ALG14: variants seen among roughly 807,000 people sequenced by gnomAD.
The protein encoded by ALG14 is ALG14 UDP-N-acetylglucosaminyltransferase subunit, also known as UDP-N-acetylglucosamine transferase subunit ALG14.
In ALG14, 17 loss-of-function variants were observed where a neutral mutation model predicts 22.8. The ratio of observed to expected loss-of-function variants is 0.75; its 90% confidence interval spans 0.51 to 1.12. The LOEUF (loss-of-function observed/expected upper bound fraction) is 1.12. ALG14 is among the 50% of genes most tolerant of loss of function. ALG14 has a pLI of 0.00. For missense variants in ALG14, 288 were observed against 271.8 expected (o/e 1.06, Z -0.42); for synonymous variants, 89 against 103.7 (o/e 0.86, Z 0.86).
chr1:95,016,288 T>C (rs1673492419), intron 3 of ALG14, among the ~76,000 whole-genome samples: 2 of 152,184 alleles, frequency 1.3e-5, no homozygotes, highest in Non-Finnish European at 2.9e-5. Context: ...TTATTCATGC[T>C]TTCCTATTAG....
At position 94,975,925 on chromosome 1, in the gene ALG14, G is replaced by C. The variant is rs1269468152; in HGVS notation, c.*7151C>G. 1 of 148,372 alleles carries C rather than the reference G, an allele frequency of 6.7e-6. No homozygotes were observed. The highest frequency in any genetic ancestry group is 2.5e-5 in the African/African-American group (1 of 40,004). The allele number at this position is 148,372 out of a possible 1,614,324, so 9.2% of individuals were successfully genotyped here. On this transcript the variant is annotated 3_prime_UTR_variant, in exon 4 of 4. Transcript: ENST00000370205. ...CCAGCTACTCGGGAGGCTGAGGCAG[G>C]ACAATGGCGTGAACCCAGGAGGCGG... is the stretch of plus-strand genomic sequence containing the variant.
intron 2 of ALG14, chr1:95,041,712 C>A (rs1354017723): frequency 6.6e-6 from 1 of 151,914 alleles, no homozygotes; most frequent in Non-Finnish European, 1.5e-5. Context: ...TCAATGTAGA[C>A]ATCTCAGCAA....
chr1:95,051,826 C>T (rs113936645), intron 2 of ALG14, among the ~76,000 whole-genome samples: 23 of 152,188 alleles, frequency 1.5e-4, no homozygotes, highest in African/African-American at 5.1e-4. Flanking sequence ...TCTAAACACA[C>T]CTTTCCTGGT....
rs1351506045 is a variant in ALG14 at position 94,980,895 on chromosome 1, C to G, written c.*2181G>C. ...TTAAGGCTCTGCAAAACATCTGGGA[C>G]ATATGTTTCTGGAAAAAATTATAGC... On this transcript the variant is annotated 3_prime_UTR_variant, in exon 4 of 4. Coordinates refer to ENST00000370205, the MANE Select transcript of ALG14 (RefSeq NM_144988.4). 6.6e-6 allele frequency: 1 copy of G among 152,196 alleles called. No homozygotes were observed. The highest frequency in any genetic ancestry group is 1.5e-5 in the Non-Finnish European group (1 of 68,046). The allele number at this position is 152,196 out of a possible 1,614,324, so 9.4% of individuals were successfully genotyped here. A position where few individuals can be genotyped will look rare whatever the true frequency, so the allele number is the denominator to read the frequency against.
chr1:94,981,931 C>T lies in ALG14; in HGVS notation c.*1145G>A, dbSNP rs1369605695. The T allele has an allele frequency of 2.0e-5, 3 of 152,050 alleles. No individual in the cohort carries two copies. Among genetic ancestry groups the T allele is most frequent in the Non-Finnish European group, 2.9e-5 (2 of 68,024 alleles). 9.4% of individuals were successfully genotyped at this position (152,050 alleles called of 1,614,324 possible). On this transcript the variant is annotated 3_prime_UTR_variant, in exon 4 of 4. Coordinates refer to ENST00000370205, the MANE Select transcript of ALG14 (RefSeq NM_144988.4). ...AAGAGAGTCACAGCAGAACATTAAACCAAGTGGAGGCCCTCTTCAGTGCAG... is the reference window on the plus strand; with the variant it reads ...AAGAGAGTCACAGCAGAACATTAAATCAAGTGGAGGCCCTCTTCAGTGCAG...
At chr1:95,042,379 C>T (rs563034588) in intron 2 of ALG14, among the ~76,000 whole-genome samples, 3 of 152,104 alleles carry the variant, frequency 2.0e-5, no homozygotes, top group Non-Finnish European at 2.9e-5. Flanking sequence ...TCAGACTCTT[C>T]GCGTTATTTA....
chr1:95,052,857 GAAA>G (rs57458273), intron 2 of ALG14, among the ~76,000 whole-genome samples: 3 of 119,484 alleles, frequency 2.5e-5, no homozygotes, highest in Non-Finnish European at 1.7e-5. Context: ...ACTGCATCTC[GAAA>G]AAAAAAAAAA....
intron 2 of ALG14, among the ~76,000 whole-genome samples, chr1:95,036,755 G>C (rs1303177908): frequency 1.3e-5 from 2 of 152,086 alleles, no homozygotes; most frequent in Non-Finnish European, 2.9e-5. Flanking sequence ...AAATTACCCA[G>C]TCTCGGGCAG....
rs138577965 is a variant in ALG14, at chr1:95,013,375, C to T, written c.420+13754G>A. Reference sequence around the variant, plus strand: ...TTTTGAGACAAGAGTCTTGCTCCGTCGCCCAGGCTGGAGTGCAGTGGTGCA... The same window carrying T: ...TTTTGAGACAAGAGTCTTGCTCCGTTGCCCAGGCTGGAGTGCAGTGGTGCA... On this transcript the variant is annotated intron_variant, in intron 3 of 3. Coordinates refer to ENST00000370205, the MANE Select transcript of ALG14 (RefSeq NM_144988.4). 3.8e-3 allele frequency among the ~76,000 whole-genome samples: 572 copies of T among 151,616 alleles called. 1 individual carries two copies. Among genetic ancestry groups the T allele is most frequent in the Non-Finnish European group, 5.7e-3 (388 of 67,866 alleles).
chr1:95,011,193 C>G (rs1222588446), intron 3 of ALG14, among the ~76,000 whole-genome samples: 1 of 152,124 alleles, frequency 6.6e-6, no homozygotes, highest in Admixed American at 6.6e-5. Context: ...ATGATATTAG[C>G]AGATGGGCTT....
At chr1:95,041,454 AC>A (rs1674376527) in intron 2 of ALG14, 1 of 152,064 alleles carries the variant, frequency 6.6e-6, no homozygotes, top group African/African-American at 2.4e-5. Flanking sequence ...CTTTACAAAA[AC>A]AAAAATTAAA....
At chr1:95,042,123 A>T (rs908268182) in intron 2 of ALG14, among the ~76,000 whole-genome samples, 6 of 152,142 alleles carry the variant, frequency 3.9e-5, no homozygotes, top group African/African-American at 1.4e-4. Flanking sequence ...TCTAAAAAAT[A>T]GCTGTTTTCT....
chr1:94,996,185 ATTCT>A (rs1326771553), intron 3 of ALG14, among the ~76,000 whole-genome samples: 2 of 152,200 alleles, frequency 1.3e-5, no homozygotes, highest in African/African-American at 2.4e-5. Context: ...AGAAATGTAG[ATTCT>A]TTCTAAATCA....
chr1:95,020,091 G>A lies in ALG14; in HGVS notation c.420+7038C>T, dbSNP rs777823564. 1.4e-4 allele frequency among the ~76,000 whole-genome samples: 22 copies of A among 151,830 alleles called. 1 individual carries two copies. Among genetic ancestry groups the A allele is most frequent in the Middle Eastern group, 3.2e-3 (1 of 316 alleles). On this transcript the variant is annotated intron_variant, in intron 3 of 3. Transcript: ENST00000370205. ...AAGTTAGCTGGGTGTGGTGTCATGCGTCTATAATCCCGCTACTCAGGAGGC... is the reference window on the plus strand; with the variant it reads ...AAGTTAGCTGGGTGTGGTGTCATGCATCTATAATCCCGCTACTCAGGAGGC...
At chr1:95,003,712 G>A (rs1028518017) in intron 3 of ALG14, among the ~76,000 whole-genome samples, 36 of 151,838 alleles carry the variant, frequency 2.4e-4, no homozygotes, top group Non-Finnish European at 3.7e-4. Flanking sequence ...CTCCTGCCTC[G>A]GCCCCTCAAA....
intron 2 of ALG14, among the ~76,000 whole-genome samples, chr1:95,055,136 G>GA (rs1674883865): frequency 6.6e-6 from 1 of 152,140 alleles, no homozygotes; most frequent in Non-Finnish European, 1.5e-5. Context: ...TTTAAAATCA[G>GA]AAAGAATACA....
intron 2 of ALG14, among the ~76,000 whole-genome samples, chr1:95,058,237 G>C (rs1312466957): frequency 8.8e-6 from 1 of 113,244 alleles, no homozygotes; most frequent in African/African-American, 3.4e-5. Context: ...CATGAGCCAA[G>C]ATCACGCCAC....
chr1:95,021,068 C>T (rs563443570), intron 3 of ALG14, among the ~76,000 whole-genome samples: 36 of 152,256 alleles, frequency 2.4e-4, no homozygotes, highest in African/African-American at 8.2e-4. Flanking sequence ...CAAAAAAATC[C>T]TTAGACGAAT....
chr1:95,040,033 G>A (rs184924001), intron 2 of ALG14, among the ~76,000 whole-genome samples: 102 of 152,170 alleles, frequency 6.7e-4, no homozygotes, highest in African/African-American at 2.4e-3. Context: ...TTAGCCAGGT[G>A]TGGTGGCTCG....
Sources: gnomAD v4.1 joint callset for allele counts (sites outside exome capture counted in the v4.1 genomes callset) on GRCh38, gnomAD v4.1.1 for gene constraint, MANE v1.5 for transcripts, NCBI Gene and HGNC (gene_info 2026-07-23, HGNC 2026-07-21) for gene names.